The following RPS24 variants were observed in gnomAD, a reference collection of about 807,000 sequenced individuals.
The protein encoded by RPS24 is ribosomal protein S24, also known as small ribosomal subunit protein eS24.
For synonymous variants in RPS24, 72 were observed against 55.6 expected (o/e 1.30, Z -1.31); for missense variants, 100 against 162.5 (o/e 0.62, Z 2.09).
At chr10:78,041,313 G>A (rs1160597154), downstream of RPS24, among the ~76,000 whole-genome samples, 1 of 152,218 alleles carries the variant, frequency 6.6e-6, no homozygotes, top group African/African-American at 2.4e-5. Flanking sequence ...CACAGCCCCT[G>A]CATGGAGCAC....
rs532070226 is a variant in RPS24 at position 78,047,615 on chromosome 10, T to G, written c.391-6916T>G. Among the ~76,000 whole-genome samples the G allele has an allele frequency of 6.6e-5, 10 of 152,280 alleles. No individual in the cohort carries two copies. The South Asian group carries it at 1.9e-3, about 28-fold the overall frequency. ...GTCTAATGGGGGTGGTAATCTTGTTTATAGGATTCGGCCCTCGTAGGGAAG... is the reference window on the plus strand; with the variant it reads ...GTCTAATGGGGGTGGTAATCTTGTTGATAGGATTCGGCCCTCGTAGGGAAG... On this transcript the variant is annotated intron_variant, in intron 4 of 4. Transcript: ENST00000440692.
chr10:78,037,526 C>T, intron 4 of RPS24: 1 of 612,686 alleles, frequency 1.6e-6, no homozygotes, highest in Non-Finnish European at 2.6e-6. Flanking sequence ...GCTCACAGCA[C>T]AATCTGGAGG....
At chr10:78,042,425 A>G (rs550714235), downstream of RPS24, among the ~76,000 whole-genome samples, 11 of 152,288 alleles carry the variant, frequency 7.2e-5, no homozygotes, top group South Asian at 2.1e-3. Context: ...TCACAAGGCT[A>G]TTTTGAGGCT....
At chr10:78,054,224 G>A (rs566847362) in intron 4 of RPS24, among the ~76,000 whole-genome samples, 2 of 152,278 alleles carry the variant, frequency 1.3e-5, no homozygotes. Context: ...GAGTGGGAAG[G>A]GAAGGGAAGG....
chr10:78,055,693 C>G (rs931078255), exon 5 of RPS24: 6 of 152,162 alleles, frequency 3.9e-5, no homozygotes, highest in African/African-American at 1.4e-4. Context: ...AACTGAGGTA[C>G]ACAAAAGGAA....
chr10:78,044,292 A>G (rs1848019321), downstream of RPS24, among the ~76,000 whole-genome samples: 1 of 152,090 alleles, frequency 6.6e-6, no homozygotes, highest in South Asian at 2.1e-4. Flanking sequence ...AAGCAGGGAG[A>G]TGGGAGCAGG....
At chr10:78,038,010 G>T (rs1381456284) in intron 4 of RPS24, 2 of 1,268,892 alleles carry the variant, frequency 1.6e-6, no homozygotes, top group East Asian at 5.6e-5. Flanking sequence ...ACGGTGTGGG[G>T]ATGCATCACC....
exon 5 of RPS24, chr10:78,055,195 A>C (rs1848138881): frequency 3.0e-6 from 3 of 1,003,532 alleles, no homozygotes; most frequent in South Asian, 4.3e-5. Flanking sequence ...ACGCCCCCAC[A>C]ATCCCCCACG....
chr10:78,044,062 T>C (rs1269524750), downstream of RPS24, among the ~76,000 whole-genome samples: 2 of 152,164 alleles, frequency 1.3e-5, no homozygotes, highest in African/African-American at 4.8e-5. Flanking sequence ...AGTATAATTA[T>C]TAATATCTTA....
chr10:78,055,379 G>A, exon 5 of RPS24: 1 of 188,384 alleles, frequency 5.3e-6, no homozygotes, highest in Non-Finnish European at 1.1e-5. Context: ...TTTTTTTTTG[G>A]TCTGTGTTCC....
chr10:78,056,201 GCTTTTCTCAGTGGTCAC>G (rs1272581269), exon 5 of RPS24: 2 of 152,510 alleles, frequency 1.3e-5, no homozygotes, highest in East Asian at 3.9e-4. Flanking sequence ...CATACAAAGT[GCTTTTCTCAGTGGTCAC>G]CTTGGTGTTG....
intron 1 of RPS24, among the ~76,000 whole-genome samples, chr10:78,035,043 C>G (rs1847832722): frequency 6.6e-6 from 1 of 152,112 alleles, no homozygotes; most frequent in Non-Finnish European, 1.5e-5. Context: ...CACAACATAT[C>G]CATATGGAAT....
At chr10:78,040,550 G>A in intron 5 of RPS24, 65 bp from the exon 6 acceptor site, 1 of 1,188,770 alleles carries the variant, frequency 8.4e-7, no homozygotes, top group Non-Finnish European at 1.3e-6. Context: ...ACTACTTTTG[G>A]AATTGAAGAC....
exon 5 of RPS24, chr10:78,055,391 A>G (rs750225211): frequency 4.4e-5 from 8 of 181,928 alleles, no homozygotes; most frequent in Non-Finnish European, 7.9e-5. Flanking sequence ...CTGTGTTCCT[A>G]ATTAGCTCAT....
Position 78,035,481 on chromosome 10 carries a change from C to T in RPS24, c.70-30C>T, listed in dbSNP as rs1259245737. ...TACTCTAAAGATGTATTTTATCATA[C>T]TGAATGCTAAACTTGATATCTCCTT... On this transcript the variant is annotated intron_variant, in intron 2 of 5. Transcript: ENST00000372360. The T allele has an allele frequency of 1.9e-6, 3 of 1,612,700 alleles. No individual in the cohort carries two copies. The Admixed American group carries it at 5.0e-5, about 27-fold the overall frequency.
chr10:78,053,758 C>T (rs551341131), intron 4 of RPS24, among the ~76,000 whole-genome samples: 3 of 152,120 alleles, frequency 2.0e-5, no homozygotes, highest in Non-Finnish European at 4.4e-5. Context: ...AGGGGTGTCT[C>T]CCAGCAGGAA....
In RPS24 at chr10:78,035,605, T is replaced by C; in HGVS notation, c.164T>C (p.Ile55Thr). The C allele has an allele frequency of 6.2e-7, 1 of 1,613,134 alleles. No homozygotes were observed. Among genetic ancestry groups the C allele is most frequent in the Non-Finnish European group, 8.5e-7 (1 of 1,180,030 alleles). Reference sequence around the variant, plus strand: ...ATGTACAAGACCACACCGGATGTCATCTTTGTATTTGGATTCAGAACTCAT... The same window carrying C: ...ATGTACAAGACCACACCGGATGTCACCTTTGTATTTGGATTCAGAACTCAT... ...AKMYKTTPDVIFVFGFRTHFG... is the reference protein window; with the variant it reads ...AKMYKTTPDVTFVFGFRTHFG... Residue 55 changes from isoleucine to threonine, a missense_variant, in exon 3 of 6, where the codon ATC (isoleucine) becomes ACC (threonine). By Grantham distance (89) the Ile-to-Thr change is moderately conservative. Transcript: ENST00000372360.
downstream of RPS24, among the ~76,000 whole-genome samples, chr10:78,042,542 G>A (rs1847997539): frequency 6.6e-6 from 1 of 152,220 alleles, no homozygotes; most frequent in Non-Finnish European, 1.5e-5. Context: ...TCAGCACATT[G>A]TAGGCCCTCA....
exon 5 of RPS24, chr10:78,054,676 G>A: frequency 6.4e-7 from 1 of 1,551,730 alleles, no homozygotes. Flanking sequence ...GTGTGGACAT[G>A]TGGCAGATTG....
Sources: gnomAD v4.1 joint callset for allele counts (sites outside exome capture counted in the v4.1 genomes callset) on GRCh38, gnomAD v4.1.1 for gene constraint, MANE v1.5 for transcripts, NCBI Gene and HGNC (gene_info 2026-07-23, HGNC 2026-07-21) for gene names.